ITGA11: variants seen among roughly 807,000 people sequenced by gnomAD.
ITGA11 encodes the protein integrin subunit alpha 11, also known as integrin alpha-11.
A neutral mutation model predicts 141.9 loss-of-function variants in ITGA11; 97 were observed. The observed-to-expected ratio is 0.68, with a 90% CI of 0.58 to 0.81. The LOEUF (loss-of-function observed/expected upper bound fraction) is 0.81, where lower values mean the gene tolerates loss of function less well. Among genes scored for constraint, ITGA11 ranks in the 30% least tolerant of loss-of-function variants. The probability of loss-of-function intolerance (pLI) is 0.00; values close to 1 mark genes in which losing one functional copy is unlikely to be tolerated. For missense variants in ITGA11, 1,387 were observed against 1,559.2 expected (o/e 0.89, Z 1.86); for synonymous variants, 658 against 624.6 (o/e 1.05, Z -0.80).
intron 2 of ITGA11, among the ~76,000 whole-genome samples, chr15:68,398,810 AT>A (rs897265492): frequency 5.0e-4 from 55 of 109,402 alleles, no homozygotes; most frequent in African/African-American, 1.9e-3. Context: ...AGAATAGTTT[AT>A]TTTTAATAGT....
In ITGA11 at chr15:68,300,055, T is replaced by C. The variant is rs1892993632; in HGVS notation, c.*3004A>G. 6.6e-6 allele frequency: 1 copy of C among 152,224 alleles called. No homozygotes were observed. Among genetic ancestry groups the C allele is most frequent in the Admixed American group, 6.5e-5 (1 of 15,284 alleles). The allele number at this position is 152,224 out of a possible 1,614,324, so 9.4% of individuals were successfully genotyped here. Reference sequence around the variant, plus strand: ...GCATCTAAAGACAGGCCTGACAGTTTAAGAAACTGACATTGAAGATTAGAG... The same window carrying C: ...GCATCTAAAGACAGGCCTGACAGTTCAAGAAACTGACATTGAAGATTAGAG... On this transcript the variant is annotated 3_prime_UTR_variant, in exon 30 of 30. Coordinates refer to ENST00000315757, the MANE Select transcript of ITGA11 (RefSeq NM_001004439.2).
chr15:68,426,020 C>G (rs1225441817), intron 1 of ITGA11, among the ~76,000 whole-genome samples: 1 of 152,206 alleles, frequency 6.6e-6, no homozygotes, highest in Non-Finnish European at 1.5e-5. Flanking sequence ...TGTTATAGAA[C>G]GAGGCTGCCC....
chr15:68,398,307 A>T lies in ITGA11; in HGVS notation c.164+4611T>A, dbSNP rs1281844737. Among the ~76,000 whole-genome samples the T allele has an allele frequency of 1.1e-4, 17 of 152,114 alleles. No homozygotes were observed. The East Asian group carries it at 3.1e-3, about 28-fold the overall frequency. ...GCTCAAAATAAAAGGATGGAGGAAG[A>T]TCTACCAAGCAAATGGAAAACAGAA... On this transcript the variant is annotated intron_variant, in intron 2 of 29. Transcript: ENST00000315757.
intron 6 of ITGA11, among the ~76,000 whole-genome samples, chr15:68,357,513 G>T (rs1473642562): frequency 1.3e-5 from 2 of 152,188 alleles, no homozygotes; most frequent in East Asian, 3.8e-4. Context: ...ACAAGAAGGG[G>T]TGCATATAGA....
At position 68,432,109 on chromosome 15, in the gene ITGA11, G is replaced by T. The variant is rs1055672683; in HGVS notation, c.-43C>A. ...CTGGGTCCGGTGTGCAGCGGCGGCG[G>T]GGGGCGGCAAGCCAGAGCGGCAGCC... On this transcript the variant is annotated 5_prime_UTR_variant, in exon 1 of 30. Coordinates refer to ENST00000315757, the MANE Select transcript of ITGA11 (RefSeq NM_001004439.2). The T allele has an allele frequency of 4.5e-6, 6 of 1,346,114 alleles. No homozygotes were observed. The highest frequency in any genetic ancestry group is 2.1e-5 in the South Asian group (1 of 46,534). 83.4% of individuals were successfully genotyped at this position (1,346,114 alleles called of 1,614,324 possible). A position where few individuals can be genotyped will look rare whatever the true frequency, so the allele number is the denominator to read the frequency against.
intron 4 of ITGA11, among the ~76,000 whole-genome samples, chr15:68,362,528 G>A (rs548358127): frequency 1.3e-5 from 2 of 152,342 alleles, no homozygotes; most frequent in South Asian, 4.1e-4. Context: ...ATAAAGAATG[G>A]ATAGATGGAT....
intron 1 of ITGA11, among the ~76,000 whole-genome samples, chr15:68,430,960 C>A (rs567849287): frequency 6.6e-6 from 1 of 152,244 alleles, no homozygotes; most frequent in African/African-American, 2.4e-5. Context: ...CCACTACCAC[C>A]GCATCTGACC....
In ITGA11 at chr15:68,330,994, C is replaced by T. The variant is rs765389490; in HGVS notation, c.1888G>A (p.Ala630Thr). Residue 630 changes from alanine to threonine, a missense_variant, in exon 15 of 30, where the codon GCT becomes ACT. By Grantham distance (58) the Ala-to-Thr change is moderately conservative. Transcript: ENST00000315757. The part of the protein sequence containing the change: ...IDLAVGALGN[A>T]VILWSRPVVQ... The stretch of plus-strand genomic sequence containing the variant: ...GGGGGAACCAACCACAGAATCACAG[C>T]GTTGCCAAGGGCTCCCACTGCCAGG... 13 of 1,613,806 alleles carry T rather than the reference C, an allele frequency of 8.1e-6. No individual in the cohort carries two copies. Among genetic ancestry groups the T allele is most frequent in the South Asian group, 1.1e-5 (1 of 91,058 alleles).
Position 68,308,280 on chromosome 15 carries a change from C to T in ITGA11, c.3175-584G>A, listed in dbSNP as rs570656922. ...AGATAAGACATCAGTTTGAAAAGAGCCCCTATCTGAGCAACATGAATTCTG... is the reference window on the plus strand; with the variant it reads ...AGATAAGACATCAGTTTGAAAAGAGTCCCTATCTGAGCAACATGAATTCTG... On this transcript the variant is annotated intron_variant, in intron 26 of 29. Coordinates refer to ENST00000315757, the MANE Select transcript of ITGA11 (RefSeq NM_001004439.2). This position sits in a 1 kb window ranked among gnomAD's most constrained non-coding sequence, Gnocchi z 5.2. 5.9e-5 allele frequency among the ~76,000 whole-genome samples: 9 copies of T among 152,172 alleles called. No homozygotes were observed. The highest frequency in any genetic ancestry group is 2.1e-4 in the South Asian group (1 of 4,820).
chr15:68,351,236 C>G (rs1894901266), intron 8 of ITGA11, 22 bp downstream of exon 8: 3 of 1,612,982 alleles, frequency 1.9e-6, no homozygotes, highest in Non-Finnish European at 2.5e-6. Flanking sequence ...CATCAGCAGC[C>G]CTTGGGCGGG....
intron 10 of ITGA11, among the ~76,000 whole-genome samples, chr15:68,344,616 G>A (rs978328649): frequency 6.6e-6 from 1 of 151,940 alleles, no homozygotes; most frequent in East Asian, 2.0e-4. Context: ...GGGCCTTGAG[G>A]GGAAGAAGCG....
chr15:68,352,622 G>A (rs1894950086), intron 7 of ITGA11, among the ~76,000 whole-genome samples: 1 of 152,204 alleles, frequency 6.6e-6, no homozygotes, highest in African/African-American at 2.4e-5. Context: ...CGTGCGATGA[G>A]GCCTGACAGA....
At chr15:68,409,390 CCTT>C (rs990871142) in intron 1 of ITGA11, among the ~76,000 whole-genome samples, 2 of 152,076 alleles carry the variant, frequency 1.3e-5, no homozygotes, top group Admixed American at 6.5e-5. Context: ...GGATTTCTCA[CCTT>C]CTGAGAATCT....
Position 68,307,728 on chromosome 15 carries a change from T to C in ITGA11, c.3175-32A>G. ...GAGAAGATGGGTCTCAGGGCTGAGC[T>C]GCTGGGCTAGGGGAGCAGGGGGCAG... On this transcript the variant is annotated intron_variant, in intron 26 of 29. Transcript: ENST00000315757. This position sits in a 1 kb window ranked among gnomAD's most constrained non-coding sequence, Gnocchi z 6.1. 1 of 1,519,602 alleles carries C rather than the reference T, an allele frequency of 6.6e-7. No homozygotes were observed. Among genetic ancestry groups the C allele is most frequent in the Admixed American group, 1.7e-5 (1 of 58,608 alleles). 94.1% of individuals were successfully genotyped at this position (1,519,602 alleles called of 1,614,324 possible). A position where few individuals can be genotyped will look rare whatever the true frequency, so the allele number is the denominator to read the frequency against.
At position 68,331,903 on chromosome 15, in the gene ITGA11, T is replaced by C; in HGVS notation, c.1726A>G (p.Ile576Val). The change falls in exon 14 of 30, where the codon ATC becomes GTC. Residue 576 changes from isoleucine (I) to valine (V), a missense_variant. Transcript: ENST00000315757. ...LEDNHAGAIY[I>V]FHGFRGSILK... The stretch of plus-strand genomic sequence containing the variant: ...ATGCTGCCTCGGAAGCCGTGGAAGA[T>C]GTAGATGGCTCCTGCGTGGTTGTCC... 1.2e-6 allele frequency: 2 copies of C among 1,613,340 alleles called. No individual in the cohort carries two copies. The highest frequency in any genetic ancestry group is 1.3e-5 in the African/African-American group (1 of 74,948).
intron 25 of ITGA11, 72 bp from the exon 26 acceptor site, chr15:68,311,152 G>C (rs1893368515): frequency 7.2e-7 from 1 of 1,379,568 alleles, no homozygotes; most frequent in East Asian, 2.5e-5. Flanking sequence ...CAGGATCCCA[G>C]AGAGGTTTCT....
At chr15:68,424,431 C>T (rs575324386) in intron 1 of ITGA11, among the ~76,000 whole-genome samples, 1 of 152,256 alleles carries the variant, frequency 6.6e-6, no homozygotes, top group Admixed American at 6.5e-5. Flanking sequence ...ACCAGTGATC[C>T]TCCATCTTGG....
rs370620452 is a variant in ITGA11 at position 68,312,303 on chromosome 15, A to AT, written c.2973+469dup. On this transcript the variant is annotated intron_variant, in intron 24 of 29. Coordinates refer to ENST00000315757, the MANE Select transcript of ITGA11 (RefSeq NM_001004439.2). Reference sequence around the variant, plus strand: ...GGAGGTCCCTTAATAAGGAGGGAGCATGCTCTTCTCCCCTTCCTCCTTCCT... The same window carrying AT: ...GGAGGTCCCTTAATAAGGAGGGAGCATTGCTCTTCTCCCCTTCCTCCTTCCT... Among the ~76,000 whole-genome samples, 633 of 152,292 alleles carry AT rather than the reference A, an allele frequency of 4.2e-3. 6 individuals are homozygous for AT. The highest frequency in any genetic ancestry group is 0.015 in the African/African-American group (617 of 41,554).
Position 68,307,667 on chromosome 15 carries a change from G to C in ITGA11, c.3204C>G (p.Ile1068Met). 6.2e-7 allele frequency: 1 copy of C among 1,613,736 alleles called. No homozygotes were observed. The highest frequency in any genetic ancestry group is 8.5e-7 in the Non-Finnish European group (1 of 1,179,710). Residue 1068 changes from isoleucine to methionine, a missense_variant, in exon 27 of 30, where the codon ATC becomes ATG. Physicochemically the swap from Ile to Met is conservative, Grantham distance 10. Coordinates refer to ENST00000315757, the MANE Select transcript of ITGA11 (RefSeq NM_001004439.2). The surrounding 1 kb of genome is among the most constrained non-coding windows in gnomAD (Gnocchi z 6.1). ...LNHSNSDVVS[I>M]NCNIRLVPNQ... ...TGGGGACCAGCCGTATATTGCAGTT[G>C]ATGGAGACGACATCAGAGTTGCTGT...
Sources: allele counts gnomAD v4.1 joint callset (sites outside exome capture counted in the v4.1 genomes callset), GRCh38; gene constraint gnomAD v4.1.1; non-coding constraint Gnocchi (gnomAD v3.1); transcripts MANE v1.5; gene names NCBI Gene and HGNC (gene_info 2026-07-23, HGNC 2026-07-21).